The following SCARB2 variants were observed in gnomAD, a reference collection of about 807,000 sequenced individuals.
The protein encoded by SCARB2 is lysosome membrane protein 2.
A neutral mutation model predicts 58.6 loss-of-function variants in SCARB2; 29 were observed. The observed-to-expected ratio is 0.49, with a 90% CI of 0.37 to 0.67. SCARB2 has a LOEUF of 0.67. SCARB2 is among the 30% of genes least tolerant of loss of function. The pLI, the probability that SCARB2 is intolerant of heterozygous loss-of-function variation, is 0.00. For missense variants in SCARB2, 488 were observed against 578.5 expected, an observed-to-expected ratio of 0.84 and a Z score of 1.60; for synonymous variants, 195 against 210.1, an observed-to-expected ratio of 0.93 and a Z score of 0.62.
intron 10 of SCARB2, chr4:76,165,626 T>C (rs1204063815): frequency 6.6e-6 from 1 of 152,278 alleles, no homozygotes; most frequent in Non-Finnish European, 1.5e-5. Context: ...ATTTTGTGAA[T>C]AGTGATTTTA....
intron 1 of SCARB2, among the ~76,000 whole-genome samples, chr4:76,228,894 A>T (rs950951868): frequency 6.7e-6 from 1 of 149,868 alleles, no homozygotes; most frequent in Non-Finnish European, 1.5e-5. Flanking sequence ...GGATATCTAG[A>T]TCTCCAGCAA....
chr4:76,187,690 T>C (rs114827252), intron 2 of SCARB2, among the ~76,000 whole-genome samples: 3,509 of 152,236 alleles, frequency 0.023, 121 homozygotes, highest in African/African-American at 0.08. Flanking sequence ...GCCAAGAAGA[T>C]ATCCACTAAA....
At chr4:76,209,102 G>GT (rs1178825887) in intron 1 of SCARB2, among the ~76,000 whole-genome samples, 6 of 152,250 alleles carry the variant, frequency 3.9e-5, no homozygotes, top group African/African-American at 1.4e-4. Context: ...TTCCTTGACC[G>GT]TAAGATAACA....
intron 1 of SCARB2, among the ~76,000 whole-genome samples, chr4:76,227,277 T>C (rs1441013451): frequency 6.6e-6 from 1 of 152,212 alleles, no homozygotes; most frequent in Non-Finnish European, 1.5e-5. Context: ...TTCATTGTTG[T>C]TCCAAAGATC....
intron 1 of SCARB2, among the ~76,000 whole-genome samples, chr4:76,210,843 C>T (rs2109971580): frequency 6.6e-6 from 1 of 152,314 alleles, no homozygotes; most frequent in Non-Finnish European, 1.5e-5. Context: ...GATAGGAATT[C>T]TCTTACTAAG....
At chr4:76,180,858 C>G (rs1342946369) in intron 3 of SCARB2, 96 bp downstream of exon 3, 10 of 1,058,932 alleles carry the variant, frequency 9.4e-6, no homozygotes, top group Non-Finnish European at 1.4e-5. Flanking sequence ...TTCAACATAA[C>G]TTAATGGCTC....
chr4:76,222,144 G>T (rs1344631221), intron 1 of SCARB2, among the ~76,000 whole-genome samples: 7 of 152,102 alleles, frequency 4.6e-5, no homozygotes, highest in Non-Finnish European at 1.0e-4. Context: ...ATATTCAGTG[G>T]TACAAAATAC....
At chr4:76,184,090 C>T (rs546336183) in intron 2 of SCARB2, among the ~76,000 whole-genome samples, 2 of 152,288 alleles carry the variant, frequency 1.3e-5, no homozygotes, top group South Asian at 4.1e-4. Flanking sequence ...GTTTAACCCA[C>T]ATTATTTTAT....
Position 76,174,143 on chromosome 4 carries a change from C to T in SCARB2, c.994+1G>A. ...ATCATGTCCCCTCTCTGAGTTCTTA[C>T]CATTCTTGCAGATGCTGACATTCAG... On this transcript the variant is annotated splice_donor_variant, in intron 7 of 11. Coordinates refer to ENST00000264896, the MANE Select transcript of SCARB2 (RefSeq NM_005506.4). LOFTEE classifies it high-confidence loss of function. 1 of 1,613,680 alleles carries T rather than the reference C, an allele frequency of 6.2e-7. No individual in the cohort carries two copies.
At chr4:76,213,404 A>T in intron 1 of SCARB2, 23 bp downstream of exon 1, 1 of 1,540,466 alleles carries the variant, frequency 6.5e-7, no homozygotes. Context: ...TCCACAACAC[A>T]CACACAGCCC....
At position 76,163,238 on chromosome 4, in the gene SCARB2, C is replaced by T. The variant is rs117157204; in HGVS notation, c.1385G>A (p.Gly462Glu). 554 of 1,614,178 alleles carry T rather than the reference C, an allele frequency of 3.4e-4. 12 individuals are homozygous for T. In the East Asian group the frequency reaches 0.012, roughly 35 times the overall value. Residue 462 changes from glycine to glutamate, a missense_variant, in exon 11 of 12, where the codon GGA becomes GAA. Gly to Glu is a moderately conservative substitution (Grantham distance 98, BLOSUM62 -2). Coordinates refer to ENST00000264896, the MANE Select transcript of SCARB2 (RefSeq NM_005506.4). ...VFTWLACKGQ[G>E]SMDEGTADER... Reference sequence around the variant, plus strand: ...GCCAGTTCTCACCTCATCCATGGATCCCTGTCCTTTGCATGCAAGCCAGGT... The same window carrying T: ...GCCAGTTCTCACCTCATCCATGGATTCCTGTCCTTTGCATGCAAGCCAGGT...
intron 10 of SCARB2, chr4:76,164,895 C>G (rs1436656479): frequency 6.6e-6 from 1 of 151,864 alleles, no homozygotes; most frequent in African/African-American, 2.4e-5. Context: ...GTTTCCTCCT[C>G]GGTAAAAAGG....
intron 11 of SCARB2, chr4:76,162,874 T>C (rs1731927218): frequency 2.2e-6 from 1 of 460,894 alleles, no homozygotes; most frequent in African/African-American, 2.0e-5. Flanking sequence ...AGAACTGGGA[T>C]TTGAACTCAG....
At chr4:76,179,792 T>C (rs550015208) in intron 3 of SCARB2, 87 bp from the exon 4 acceptor site, 11 of 1,021,656 alleles carry the variant, frequency 1.1e-5, no homozygotes, top group South Asian at 7.6e-5. Context: ...GCAAAGGGGG[T>C]TGGAAATATA....
At chr4:76,185,658 C>T (rs760235176) in intron 2 of SCARB2, among the ~76,000 whole-genome samples, 8 of 152,168 alleles carry the variant, frequency 5.3e-5, no homozygotes, top group Non-Finnish European at 1.0e-4. Context: ...AAATTAACAT[C>T]GGTATATCTA....
At chr4:76,224,856 G>C (rs1418929526) in intron 1 of SCARB2, among the ~76,000 whole-genome samples, 3 of 152,026 alleles carry the variant, frequency 2.0e-5, no homozygotes, top group Admixed American at 2.0e-4. Context: ...CATCACCCAA[G>C]CAGTAAACAC....
At chr4:76,225,096 G>A (rs1456367642) in intron 1 of SCARB2, among the ~76,000 whole-genome samples, 5 of 152,090 alleles carry the variant, frequency 3.3e-5, no homozygotes, top group Admixed American at 3.3e-4. Flanking sequence ...ACTCCACCCA[G>A]GTTGCTGCAA....
chr4:76,225,168 A>G (rs539869940), intron 1 of SCARB2, among the ~76,000 whole-genome samples: 9 of 151,946 alleles, frequency 5.9e-5, no homozygotes, highest in African/African-American at 2.2e-4. Flanking sequence ...TATATACCAC[A>G]TTTTCTTTAT....
rs1174354251 is a variant in SCARB2, at chr4:76,159,508, G to C, written c.*2205C>G. The C allele has an allele frequency of 1.3e-5, 2 of 152,244 alleles. No homozygotes were observed. Among genetic ancestry groups the C allele is most frequent in the Non-Finnish European group, 2.9e-5 (2 of 68,114 alleles). 9.4% of individuals were successfully genotyped at this position (152,244 alleles called of 1,614,324 possible). A position where few individuals can be genotyped will look rare whatever the true frequency, so the allele number is the denominator to read the frequency against. On this transcript the variant is annotated 3_prime_UTR_variant, in exon 12 of 12. Transcript: ENST00000264896. ...GGAGGCTGAGGTGGGCAGATCGCAG[G>C]GTCAGGAGATTGAGACCATCCTGGC...
Sources: gnomAD v4.1 joint callset for allele counts (sites outside exome capture counted in the v4.1 genomes callset) on GRCh38, gnomAD v4.1.1 for gene constraint, MANE v1.5 for transcripts, NCBI Gene and HGNC (gene_info 2026-07-23, HGNC 2026-07-21) for gene names.